The following TEKTL1 variants were observed in gnomAD, a reference collection of about 807,000 sequenced individuals.
The protein encoded by TEKTL1 is tektin-like protein 1.
At chr19:15,020,529 G>A in the TEKTL1 span, 2 of 1,613,940 alleles carry the variant, frequency 1.2e-6, no homozygotes, top group Non-Finnish European at 1.7e-6. Context: ...TGGACCTCAT[G>A]AACCAGCCTC....
chr19:15,010,826 A>G, the TEKTL1 span: 2 of 1,534,532 alleles, frequency 1.3e-6, no homozygotes, highest in Non-Finnish European at 1.8e-6. Context: ...AGCAGGGACC[A>G]TGCGCGTGTT....
At chr19:15,012,222 C>T in the TEKTL1 span, among the ~76,000 whole-genome samples, 1 of 151,938 alleles carries the variant, frequency 6.6e-6, no homozygotes, top group Non-Finnish European at 1.5e-5. Flanking sequence ...ATCAGGCCAA[C>T]CGCAAACCAG....
At chr19:15,010,844 C>A in the TEKTL1 span, 1 of 1,543,732 alleles carries the variant, frequency 6.5e-7, no homozygotes, top group East Asian at 2.4e-5. Flanking sequence ...GTTGGTACCC[C>A]CGGCTGAGCG....
the TEKTL1 span, chr19:15,023,188 C>T: frequency 7.2e-7 from 1 of 1,390,036 alleles, no homozygotes; most frequent in Non-Finnish European, 9.6e-7. Flanking sequence ...GCAGACACAG[C>T]CCCATGGCCC....
the TEKTL1 span, chr19:15,021,497 CGAGCGAGACCTTGGAGCTGAAGGT>C: frequency 6.2e-7 from 1 of 1,614,016 alleles, no homozygotes; most frequent in Non-Finnish European, 8.5e-7. Flanking sequence ...GCGCAGAAGG[CGAGCGAGACCTTGGAGCTGAAGGT>C]GAGCGCATTA....
chr19:15,021,184 C>G, the TEKTL1 span, among the ~76,000 whole-genome samples: 16 of 152,122 alleles, frequency 1.1e-4, 1 homozygote, highest in Non-Finnish European at 1.9e-4. Context: ...TCTAAGGAAA[C>G]CAACCCAAGA....
chr19:15,020,063 T>C, the TEKTL1 span, among the ~76,000 whole-genome samples: 1 of 150,304 alleles, frequency 6.7e-6, no homozygotes, highest in African/African-American at 2.4e-5. Flanking sequence ...ATTCCAACAC[T>C]TTGGAAGGTC....
the TEKTL1 span, among the ~76,000 whole-genome samples, chr19:15,011,817 A>G: frequency 6.6e-6 from 1 of 151,950 alleles, no homozygotes. Flanking sequence ...GGCCAGATGC[A>G]GTAGCTCACG....
chr19:15,011,499 C>T, the TEKTL1 span: 1 of 1,052,452 alleles, frequency 9.5e-7, no homozygotes, highest in East Asian at 3.2e-5. Context: ...TTTGGGAGGC[C>T]AAGGCTGGTT....
the TEKTL1 span, chr19:15,020,801 GCA>G: frequency 1.4e-6 from 1 of 696,196 alleles, no homozygotes; most frequent in Non-Finnish European, 2.4e-6. Context: ...ATCATGCTGA[GCA>G]CACATTGTCA....
At chr19:15,021,717 G>C in the TEKTL1 span, 1 of 1,613,952 alleles carries the variant, frequency 6.2e-7, no homozygotes, top group South Asian at 1.1e-5. Flanking sequence ...TCAAGGTACG[G>C]TTCGGGGTGA....
the TEKTL1 span, among the ~76,000 whole-genome samples, chr19:15,016,185 CTTT>C: frequency 0.071 from 4,753 of 66,500 alleles, 80 homozygotes; most frequent in South Asian, 0.17. Context: ...GACAGCTGTC[CTTT>C]TTTTTTTTTT....
At chr19:15,013,737 A>T in the TEKTL1 span, 3 of 1,613,870 alleles carry the variant, frequency 1.9e-6, no homozygotes, top group African/African-American at 4.0e-5. Context: ...TGAAGAGGAA[A>T]ATGGAGAGAG....
the TEKTL1 span, chr19:15,022,021 T>C: frequency 1.1e-6 from 1 of 923,580 alleles, no homozygotes; most frequent in Admixed American, 2.3e-5. Flanking sequence ...CTCACCCAAG[T>C]CGGCCTGTCC....
the TEKTL1 span, chr19:15,023,177 A>G: frequency 6.8e-7 from 1 of 1,472,640 alleles, no homozygotes; most frequent in Non-Finnish European, 9.0e-7. Context: ...GACCTCGGAG[A>G]GCAGACACAG....
the TEKTL1 span, among the ~76,000 whole-genome samples, chr19:15,022,134 C>T: frequency 6.6e-6 from 1 of 152,068 alleles, no homozygotes; most frequent in South Asian, 2.1e-4. Flanking sequence ...GTCCCCTCAA[C>T]CCCTGTCCTC....
the TEKTL1 span, among the ~76,000 whole-genome samples, chr19:15,018,943 C>G: frequency 6.6e-6 from 1 of 151,288 alleles, no homozygotes; most frequent in Admixed American, 6.6e-5. Context: ...CTGTACTGTT[C>G]ATGGTTGTTT....
At chr19:15,021,331 C>A in the TEKTL1 span, 315 of 1,610,744 alleles carry the variant, frequency 2.0e-4, no homozygotes, top group African/African-American at 3.7e-3. Context: ...GGCACCCCCA[C>A]GCGCATCCTG....
the TEKTL1 span, chr19:15,011,195 G>A: frequency 7.3e-5 from 108 of 1,481,660 alleles, no homozygotes; most frequent in Non-Finnish European, 7.6e-5. Flanking sequence ...GCAGACCACC[G>A]AGGTGGTGCA....
Sources: gnomAD v4.1 joint callset for allele counts (sites outside exome capture counted in the v4.1 genomes callset) on GRCh38, gnomAD v4.1.1 for gene constraint, MANE v1.5 for transcripts, NCBI Gene and HGNC (gene_info 2026-07-23, HGNC 2026-07-21) for gene names.